Variants in RAPGEF6 observed in about 807,000 individuals in gnomAD.
The protein encoded by RAPGEF6 is Rap guanine nucleotide exchange factor 6.
In RAPGEF6, 56 loss-of-function variants were observed where a neutral mutation model predicts 171.4. That is an observed-to-expected ratio of 0.33 (90% CI 0.26 to 0.41). RAPGEF6 has a LOEUF of 0.41. RAPGEF6 is among the 10% of genes least tolerant of loss of function. The pLI, the probability that RAPGEF6 is intolerant of heterozygous loss-of-function variation, is 1.00. For missense variants in RAPGEF6, 1,674 were observed against 1,921.4 expected (o/e 0.87, Z 2.41); for synonymous variants, 692 against 650.1 (o/e 1.06, Z -0.98).
At chr5:131,587,967 G>A (rs2149998810) in intron 4 of RAPGEF6, among the ~76,000 whole-genome samples, 1 of 151,856 alleles carries the variant, frequency 6.6e-6, no homozygotes, top group South Asian at 2.1e-4. Flanking sequence ...TTTCCTTATG[G>A]ACAAATCATG....
At chr5:131,616,264 T>A (rs912068018) in intron 1 of RAPGEF6, among the ~76,000 whole-genome samples, 19 of 152,220 alleles carry the variant, frequency 1.2e-4, no homozygotes, top group Admixed American at 1.0e-3. Flanking sequence ...TGTATACCCT[T>A]TAAACAATTC....
chr5:131,604,925 T>C (rs1279089761), intron 1 of RAPGEF6, among the ~76,000 whole-genome samples: 4 of 152,192 alleles, frequency 2.6e-5, no homozygotes, highest in African/African-American at 9.7e-5. Flanking sequence ...ATTCAAACAA[T>C]GCCAGAACCC....
At chr5:131,538,811 C>T (rs1420439785) in intron 6 of RAPGEF6, among the ~76,000 whole-genome samples, 1 of 152,176 alleles carries the variant, frequency 6.6e-6, no homozygotes, top group East Asian at 1.9e-4. Flanking sequence ...TCTGCTCTAA[C>T]TTGGCATTTG....
intron 7 of RAPGEF6, among the ~76,000 whole-genome samples, chr5:131,520,415 A>G (rs1758399752): frequency 6.6e-6 from 1 of 152,254 alleles, no homozygotes; most frequent in African/African-American, 2.4e-5. Context: ...TGTTGTAATT[A>G]TAGTATTTGG....
intron 3 of RAPGEF6, 64 bp from the exon 4 acceptor site, chr5:131,592,530 C>A: frequency 6.5e-7 from 1 of 1,546,646 alleles, no homozygotes. Flanking sequence ...TATATGAATT[C>A]AATAAGAAAT....
At chr5:131,466,142 A>T (rs1160400616) in intron 17 of RAPGEF6, among the ~76,000 whole-genome samples, 2 of 151,892 alleles carry the variant, frequency 1.3e-5, no homozygotes, top group Admixed American at 6.6e-5. Context: ...GAAAGATTCA[A>T]CTGAATATAC....
At chr5:131,521,563 T>C in intron 6 of RAPGEF6, 42 bp from the exon 7 acceptor site, 1 of 1,566,640 alleles carries the variant, frequency 6.4e-7, no homozygotes, top group African/African-American at 1.4e-5. Context: ...ATGTCAAGCT[T>C]TACCTTTTTA....
intron 5 of RAPGEF6, among the ~76,000 whole-genome samples, chr5:131,557,242 T>C (rs1232656175): frequency 3.5e-5 from 2 of 57,660 alleles, no homozygotes; most frequent in Non-Finnish European, 8.2e-5. Flanking sequence ...TTGTCTCAAC[T>C]GATTTAAAAA....
At chr5:131,482,166 G>A (rs1016942181) in intron 15 of RAPGEF6, among the ~76,000 whole-genome samples, 2 of 152,138 alleles carry the variant, frequency 1.3e-5, no homozygotes, top group African/African-American at 4.8e-5. Flanking sequence ...CAAAATGATG[G>A]AGACTTTTTA....
intron 1 of RAPGEF6, among the ~76,000 whole-genome samples, chr5:131,626,457 A>G (rs1765940141): frequency 1.3e-5 from 2 of 151,878 alleles, no homozygotes; most frequent in Admixed American, 6.6e-5. Context: ...ACAAGTATAC[A>G]TGGCTTGCCA....
At chr5:131,631,636 ACAGC>A (rs1418486695) in intron 1 of RAPGEF6, among the ~76,000 whole-genome samples, 2 of 152,146 alleles carry the variant, frequency 1.3e-5, no homozygotes, top group Non-Finnish European at 2.9e-5. Flanking sequence ...TATTCTCAAC[ACAGC>A]AGCCAGGAGA....
chr5:131,524,067 GA>G (rs1016968572), intron 6 of RAPGEF6, among the ~76,000 whole-genome samples: 1 of 151,830 alleles, frequency 6.6e-6, no homozygotes, highest in Non-Finnish European at 1.5e-5. Context: ...TCAAAAAAGG[GA>G]AAAAATAATT....
intron 6 of RAPGEF6, among the ~76,000 whole-genome samples, chr5:131,538,640 G>GCC (rs34299421): frequency 6.6e-6 from 1 of 152,006 alleles, no homozygotes; most frequent in East Asian, 1.9e-4. Flanking sequence ...CTGAAACCAA[G>GCC]CCCCCATGGA....
rs1162181624 is a variant in RAPGEF6, at chr5:131,529,901, CTTTTTTTTTTTTT to C, written c.496-8393_496-8381del. ...CAACAGAGCAGGGCCTTGTCTCCCT[CTTTTTTTTTTTTT>C]TTTTTTTTTTGAGACAGGGTCTCAC... On this transcript the variant is annotated intron_variant, in intron 6 of 27. Coordinates refer to ENST00000509018, the MANE Select transcript of RAPGEF6 (RefSeq NM_016340.6). 3.3e-5 allele frequency among the ~76,000 whole-genome samples: 4 copies of C among 119,776 alleles called. No individual in the cohort carries two copies. In the Admixed American group the frequency reaches 3.5e-4, roughly 10 times the overall value. 78.6% of individuals were successfully genotyped at this position (119,776 alleles called of 152,430 possible). A position where few individuals can be genotyped will look rare whatever the true frequency, so the allele number is the denominator to read the frequency against.
chr5:131,510,603 G>A (rs1020256094), intron 7 of RAPGEF6, 112 bp from the exon 8 acceptor site: 56 of 900,616 alleles, frequency 6.2e-5, no homozygotes, highest in African/African-American at 5.6e-4. Context: ...CTTGGGCAAC[G>A]CTGGATGCTG....
chr5:131,603,421 G>T, intron 2 of RAPGEF6, 94 bp from the exon 3 acceptor site: 5 of 812,528 alleles, frequency 6.2e-6, no homozygotes, highest in South Asian at 1.8e-5. Context: ...CTAATTGATT[G>T]TTAGAAAATG....
At chr5:131,602,638 G>A (rs578096138) in intron 3 of RAPGEF6, among the ~76,000 whole-genome samples, 5 of 152,180 alleles carry the variant, frequency 3.3e-5, no homozygotes, top group South Asian at 2.1e-4. Context: ...GCTAATGCCC[G>A]TAAACCCAGC....
intron 17 of RAPGEF6, among the ~76,000 whole-genome samples, chr5:131,464,690 T>C (rs1391401394): frequency 2.0e-5 from 3 of 152,222 alleles, no homozygotes; most frequent in Non-Finnish European, 2.9e-5. Context: ...TTTCTATTAT[T>C]ATAAATGACA....
chr5:131,511,991 T>A (rs989567600), intron 7 of RAPGEF6, among the ~76,000 whole-genome samples: 25 of 151,806 alleles, frequency 1.6e-4, no homozygotes, highest in African/African-American at 6.1e-4. Flanking sequence ...AATATGAGAG[T>A]AGGCAGCCTA....
Sources: gnomAD v4.1 joint callset for allele counts (sites outside exome capture counted in the v4.1 genomes callset) on GRCh38, gnomAD v4.1.1 for gene constraint, MANE v1.5 for transcripts, NCBI Gene and HGNC (gene_info 2026-07-23, HGNC 2026-07-21) for gene names.